NRG2: variants seen among roughly 807,000 people sequenced by gnomAD.
NRG2 encodes pro-neuregulin-2, membrane-bound isoform.
In NRG2, 27 loss-of-function variants were observed where a neutral mutation model predicts 73.9. The observed-to-expected ratio is 0.37, with a 90% CI of 0.27 to 0.50. The LOEUF (loss-of-function observed/expected upper bound fraction) is 0.50, where lower values mean the gene tolerates loss of function less well. Among genes scored for constraint, NRG2 ranks in the 20% least tolerant of loss-of-function variants. NRG2 has a pLI of 0.96. For synonymous variants in NRG2, 532 were observed against 541.0 expected (o/e 0.98, Z 0.23); for missense variants, 1,126 against 1,210.1 (o/e 0.93, Z 1.03).
chr5:140,006,605 C>G lies in NRG2; in HGVS notation c.700+35765G>C, dbSNP rs1758920741. ...ATTCATAAGATTGTCTAATATGCAT[C>G]CATTAAAAATCATATTTTCTAAGAA... On this transcript the variant is annotated intron_variant, in intron 1 of 9. Coordinates refer to ENST00000361474, the MANE Select transcript of NRG2 (RefSeq NM_004883.3). Among the ~76,000 whole-genome samples the G allele has an allele frequency of 2.0e-5, 3 of 152,106 alleles. No individual in the cohort carries two copies. In the South Asian group the frequency reaches 6.2e-4, roughly 32 times the overall value.
At chr5:139,850,470 G>T (rs778652255) in intron 9 of NRG2, among the ~76,000 whole-genome samples, 9 of 152,202 alleles carry the variant, frequency 5.9e-5, no homozygotes, top group Non-Finnish European at 1.0e-4. Flanking sequence ...GTGGCTAGGA[G>T]CTCCTCAGGA....
intron 1 of NRG2, among the ~76,000 whole-genome samples, chr5:139,896,793 C>T (rs973640724): frequency 6.6e-6 from 1 of 152,148 alleles, no homozygotes. Flanking sequence ...ATACTGCTCC[C>T]CACCCCCCAG....
chr5:139,914,985 T>G (rs1751142339), intron 1 of NRG2, among the ~76,000 whole-genome samples: 1 of 152,168 alleles, frequency 6.6e-6, no homozygotes, highest in African/African-American at 2.4e-5. Flanking sequence ...CCAGTGAGCC[T>G]TGGCCTTTGT....
intron 1 of NRG2, among the ~76,000 whole-genome samples, chr5:139,980,868 C>T (rs1561726290): frequency 1.3e-5 from 2 of 152,210 alleles, no homozygotes; most frequent in South Asian, 4.1e-4. Context: ...ACTTTCCTGT[C>T]CCAAATGGTG....
rs1761545288 is a variant in NRG2, at chr5:139,852,843, G to C, written c.1416+61C>G. On this transcript the variant is annotated intron_variant, in intron 7 of 9. Transcript: ENST00000361474. This position sits in a 1 kb window ranked among gnomAD's most constrained non-coding sequence, Gnocchi z 4.4. ...GCTGCCCTGGCCCATCCTTGCAGGG[G>C]GCATGAGAAGGCTGGCTGTCCACTG... 3.1e-6 allele frequency: 5 copies of C among 1,606,062 alleles called. No individual in the cohort carries two copies. Among genetic ancestry groups the C allele is most frequent in the South Asian group, 2.2e-5 (2 of 89,950 alleles).
At chr5:139,919,802 G>A (rs1751528070) in intron 1 of NRG2, among the ~76,000 whole-genome samples, 1 of 152,166 alleles carries the variant, frequency 6.6e-6, no homozygotes, top group Non-Finnish European at 1.5e-5. Context: ...CAAATATGTT[G>A]GCTATGTCAA....
At chr5:139,950,589 A>T (rs1030730602) in intron 1 of NRG2, among the ~76,000 whole-genome samples, 8 of 152,210 alleles carry the variant, frequency 5.3e-5, no homozygotes, top group African/African-American at 1.9e-4. Flanking sequence ...CAAGCTGACC[A>T]TGCCTCCTGC....
At position 140,042,922 on chromosome 5, in the gene NRG2, T is replaced by TGCTCCTGCTGCTGCTGCC. The variant is rs1338504159; in HGVS notation, c.130_147dup (p.Gly44_Ser49dup). 15 of 1,523,308 alleles carry TGCTCCTGCTGCTGCTGCC rather than the reference T, an allele frequency of 9.8e-6. No homozygotes were observed. The highest frequency in any genetic ancestry group is 1.4e-5 in the African/African-American group (1 of 72,596). The allele number at this position is 1,523,308 out of a possible 1,614,324, so 94.4% of individuals were successfully genotyped here. A position where few individuals can be genotyped will look rare whatever the true frequency, so the allele number is the denominator to read the frequency against. ...CGAGAGATGCTGCTGTTGTTGCTGCTGCTCCTGCTGCTGCTGCCGCTCTCG... is the reference window on the plus strand; with the variant it reads ...CGAGAGATGCTGCTGTTGTTGCTGCTGCTCCTGCTGCTGCTGCCGCTCCTGCTGCTGCTGCCGCTCTCG... On this transcript the variant is annotated inframe_insertion, in exon 1 of 10. Transcript: ENST00000361474.
chr5:139,854,210 C>T (rs1461170106), intron 6 of NRG2, among the ~76,000 whole-genome samples: 1 of 152,266 alleles, frequency 6.6e-6, no homozygotes, highest in Non-Finnish European at 1.5e-5. Context: ...TGATCCCCCA[C>T]TATGCCCAGC....
chr5:139,883,750 G>A (rs1029421127), intron 2 of NRG2, among the ~76,000 whole-genome samples: 50 of 152,328 alleles, frequency 3.3e-4, no homozygotes, highest in African/African-American at 1.2e-3. Flanking sequence ...GTCGCAGGGA[G>A]TCAGAAGTTC....
intron 1 of NRG2, among the ~76,000 whole-genome samples, chr5:139,935,309 A>G (rs773660833): frequency 1.3e-5 from 2 of 152,268 alleles, no homozygotes; most frequent in Non-Finnish European, 2.9e-5. Context: ...AATAGTTGAT[A>G]CAATAAGTGG....
At chr5:139,881,425 C>A (rs1763520126) in intron 2 of NRG2, among the ~76,000 whole-genome samples, 1 of 152,220 alleles carries the variant, frequency 6.6e-6, no homozygotes, top group Admixed American at 6.5e-5. Flanking sequence ...CTGACGGATT[C>A]CCATGGTGAT....
chr5:139,892,379 C>A (rs1400345103), intron 1 of NRG2, among the ~76,000 whole-genome samples: 1 of 152,098 alleles, frequency 6.6e-6, no homozygotes, highest in Non-Finnish European at 1.5e-5. Context: ...GCATGTTAAG[C>A]TCATTCTTAT....
chr5:139,947,270 T>C (rs1237540428), intron 1 of NRG2, among the ~76,000 whole-genome samples: 1 of 152,202 alleles, frequency 6.6e-6, no homozygotes, highest in East Asian at 1.9e-4. Flanking sequence ...AAACTGCTAA[T>C]CAGCCTTCTG....
At chr5:139,966,055 G>A (rs972245214) in intron 1 of NRG2, among the ~76,000 whole-genome samples, 2 of 151,876 alleles carry the variant, frequency 1.3e-5, no homozygotes, top group South Asian at 2.1e-4. Context: ...ACCATGTCTC[G>A]CTTATTTACT....
chr5:139,851,494 T>G lies in NRG2; in HGVS notation c.1772+110A>C. 2 of 1,013,352 alleles carry G rather than the reference T, an allele frequency of 2.0e-6. No homozygotes were observed. The highest frequency in any genetic ancestry group is 2.9e-6 in the Non-Finnish European group (2 of 681,802). The allele number at this position is 1,013,352 out of a possible 1,614,324, so 62.8% of individuals were successfully genotyped here. A position where few individuals can be genotyped will look rare whatever the true frequency, so the allele number is the denominator to read the frequency against. ...GGACCTTGTTTTCCCATATGAAAAA[T>G]GGAGATGAGGCTCTTTGGAGTGTTT... On this transcript the variant is annotated intron_variant, in intron 9 of 9. Transcript: ENST00000361474. The surrounding 1 kb of genome is among the most constrained non-coding windows in gnomAD (Gnocchi z 4.2).
At chr5:139,965,145 G>A (rs1424622284) in intron 1 of NRG2, among the ~76,000 whole-genome samples, 1 of 152,204 alleles carries the variant, frequency 6.6e-6, no homozygotes, top group Admixed American at 6.5e-5. Flanking sequence ...CTGGCTCCAC[G>A]ACAGCAACCT....
At chr5:139,890,429 C>T (rs1249229263) in intron 1 of NRG2, among the ~76,000 whole-genome samples, 1 of 148,082 alleles carries the variant, frequency 6.8e-6, no homozygotes, top group Non-Finnish European at 1.5e-5. Flanking sequence ...ATTGCTGGTT[C>T]TTCTTCTTCG....
At chr5:140,021,202 A>T (rs531343108) in intron 1 of NRG2, among the ~76,000 whole-genome samples, 1 of 152,304 alleles carries the variant, frequency 6.6e-6, no homozygotes, top group East Asian at 1.9e-4. Context: ...GCTCTATTTT[A>T]TTGTTAACAA....
Sources: allele counts gnomAD v4.1 joint callset (sites outside exome capture counted in the v4.1 genomes callset), GRCh38; gene constraint gnomAD v4.1.1; non-coding constraint Gnocchi (gnomAD v3.1); transcripts MANE v1.5; gene names NCBI Gene and HGNC (gene_info 2026-07-23, HGNC 2026-07-21).